GALR3: variants seen among roughly 807,000 people sequenced by gnomAD.
GALR3 encodes the protein galanin receptor 3.
In GALR3, 5 loss-of-function variants were observed where a neutral mutation model predicts 6.9. The observed-to-expected ratio is 0.72, with a 90% confidence interval of 0.38 to 1.52. The LOEUF (loss-of-function observed/expected upper bound fraction) is 1.52, where lower values mean the gene tolerates loss of function less well. Among genes scored for constraint, GALR3 ranks in the 40% most tolerant of loss-of-function variants. The pLI, the probability that GALR3 is intolerant of heterozygous loss-of-function variation, is 0.03. For synonymous variants in GALR3, 308 were observed against 263.6 expected (o/e 1.17, Z -1.63); for missense variants, 570 against 545.6 (o/e 1.04, Z -0.44).
chr22:37,824,702 C>G (rs1254820884), intron 1 of GALR3, 21 bp from the exon 2 acceptor site: 1 of 1,195,560 alleles, frequency 8.4e-7, no homozygotes, highest in East Asian at 3.5e-5. Context: ...GCCCGCCCCG[C>G]TGACCAGGCG....
intron 1 of GALR3, 43 bp from the exon 2 acceptor site, chr22:37,824,680 G>C (rs1018237041): frequency 8.6e-7 from 1 of 1,164,484 alleles, no homozygotes; most frequent in African/African-American, 1.6e-5. Flanking sequence ...GGGCCCCTGC[G>C]GGAGGGCACC....
Position 37,824,900 on chromosome 22 carries a change from G to T in GALR3, c.537G>T (p.Ala179=). ...TCTGCGTGCCCGCCTGGGAGGACGC[G>T]CGCCGCCGCGCCCTGGACGTGGCCA... ...LELCVPAWED[A]RRRALDVATF... Residue 179 remains alanine (A), a synonymous_variant, in exon 2 of 2, where the codon GCG becomes GCT. Transcript: ENST00000249041. 7.3e-7 allele frequency: 1 copy of T among 1,365,170 alleles called. No individual in the cohort carries two copies. Among genetic ancestry groups the T allele is most frequent in the Non-Finnish European group, 9.5e-7 (1 of 1,055,062 alleles). 84.6% of individuals were successfully genotyped at this position (1,365,170 alleles called of 1,614,324 possible).
Position 37,823,431 on chromosome 22 carries a change from C to A in GALR3, c.25C>A (p.Leu9Met), listed in dbSNP as rs993279084. MADAQNIS[L>M]DSPGSVGAVA... ...GATGGCTGATGCCCAGAACATTTCA[C>A]TGGACAGCCCAGGGAGTGTGGGGGC... Residue 9 changes from leucine (L) to methionine (M), a missense_variant, in exon 1 of 2, where the codon CTG (leucine) becomes ATG (methionine). Coordinates refer to ENST00000249041, the MANE Select transcript of GALR3 (RefSeq NM_003614.2). The A allele has an allele frequency of 1.9e-6, 3 of 1,595,678 alleles. No homozygotes were observed. The highest frequency in any genetic ancestry group is 1.7e-5 in the Admixed American group (1 of 58,604).
chr22:37,825,328 G>T lies in GALR3; in HGVS notation c.965G>T (p.Arg322Leu), dbSNP rs750409729. Reference sequence around the variant, plus strand: ...CACCGTGCCCGCCGCGCCTTGCGTCGCGTCCGCCCCGCGTCCTCGGGCCCA... The same window carrying T: ...CACCGTGCCCGCCGCGCCTTGCGTCTCGTCCGCCCCGCGTCCTCGGGCCCA... ...RRHRARRALR[R>L]VRPASSGPPG... is the part of the protein sequence containing the mutation. Residue 322 changes from arginine to leucine, a missense_variant, in exon 2 of 2, where the codon CGC (arginine) becomes CTC (leucine). Arg to Leu is a moderately radical substitution (Grantham distance 102). Transcript: ENST00000249041. 1.6e-6 allele frequency: 2 copies of T among 1,257,722 alleles called. No homozygotes were observed. Among genetic ancestry groups the T allele is most frequent in the African/African-American group, 3.1e-5 (2 of 64,130 alleles). The allele number at this position is 1,257,722 out of a possible 1,614,324, so 77.9% of individuals were successfully genotyped here.
At position 37,825,485 on chromosome 22, in the gene GALR3, A is replaced by G; in HGVS notation, c.*15A>G. 7.7e-7 allele frequency: 1 copy of G among 1,301,872 alleles called. No homozygotes were observed. The highest frequency in any genetic ancestry group is 9.8e-7 in the Non-Finnish European group (1 of 1,022,440). The allele number at this position is 1,301,872 out of a possible 1,614,324, so 80.6% of individuals were successfully genotyped here. On this transcript the variant is annotated 3_prime_UTR_variant, in exon 2 of 2. Coordinates refer to ENST00000249041, the MANE Select transcript of GALR3 (RefSeq NM_003614.2). ...GACCGGAATAAACCCTGCCGCCTGGACTCCGCCTGTGTCCGTCTGTCTCAC... is the reference window on the plus strand; with the variant it reads ...GACCGGAATAAACCCTGCCGCCTGGGCTCCGCCTGTGTCCGTCTGTCTCAC...
rs1922578902 is a variant in GALR3, at chr22:37,825,283, C to T, written c.920C>T (p.Pro307Leu). Residue 307 changes from proline to leucine, a missense_variant, in exon 2 of 2, where the codon CCG becomes CTG. Coordinates refer to ENST00000249041, the MANE Select transcript of GALR3 (RefSeq NM_003614.2). Reference protein sequence around the residue: ...HFRARFRRLWPCGRRRRHRAR... With the variant: ...HFRARFRRLWLCGRRRRHRAR... Reference sequence around the variant, plus strand: ...CGCGCGCGCTTCCGCCGCCTGTGGCCGTGCGGCCGCCGACGCCGCCACCGT... The same window carrying T: ...CGCGCGCGCTTCCGCCGCCTGTGGCTGTGCGGCCGCCGACGCCGCCACCGT... 3 of 1,297,324 alleles carry T rather than the reference C, an allele frequency of 2.3e-6. No homozygotes were observed. Among genetic ancestry groups the T allele is most frequent in the South Asian group, 2.3e-5 (1 of 43,676 alleles). The allele number at this position is 1,297,324 out of a possible 1,614,324, so 80.4% of individuals were successfully genotyped here.
intron 1 of GALR3, 32 bp downstream of exon 1, chr22:37,823,797 GCT>G: frequency 7.6e-7 from 1 of 1,318,442 alleles, no homozygotes. Flanking sequence ...GCTGGGCAGG[GCT>G]GTGGGGGCGG....
intron 1 of GALR3, among the ~76,000 whole-genome samples, chr22:37,824,474 G>A (rs1282749527): frequency 6.6e-6 from 1 of 152,108 alleles, no homozygotes; most frequent in Non-Finnish European, 1.5e-5. Context: ...GATGACCCTG[G>A]GCAAGTCACT....
rs200610758 is a variant in GALR3, at chr22:37,825,110, T to C, written c.747T>C (p.Gly249=). ...AVAALYALCW[G]PHHALILCFW... is the part of the protein sequence containing the mutation. Reference sequence around the variant, plus strand: ...CCGCGCTCTACGCGCTCTGCTGGGGTCCGCACCACGCGCTCATCCTGTGCT... The same window carrying C: ...CCGCGCTCTACGCGCTCTGCTGGGGCCCGCACCACGCGCTCATCCTGTGCT... The change falls in exon 2 of 2, where the codon GGT becomes GGC. Residue 249 remains glycine (G), a synonymous_variant. Transcript: ENST00000249041. 1.2e-5 allele frequency: 17 copies of C among 1,405,662 alleles called. No homozygotes were observed. The highest frequency in any genetic ancestry group is 2.1e-4 in the Middle Eastern group (1 of 4,750). The allele number at this position is 1,405,662 out of a possible 1,614,324, so 87.1% of individuals were successfully genotyped here.
Position 37,823,451 on chromosome 22 carries a change from G to A in GALR3, c.45G>A (p.Val15=). Reference sequence around the variant, plus strand: ...TTTCACTGGACAGCCCAGGGAGTGTGGGGGCCGTGGCAGTGCCTGTGGTCT... The same window carrying A: ...TTTCACTGGACAGCCCAGGGAGTGTAGGGGCCGTGGCAGTGCCTGTGGTCT... ...QNISLDSPGS[V]GAVAVPVVFA... is the part of the protein sequence containing the mutation. The change falls in exon 1 of 2, where the codon GTG becomes GTA. Residue 15 remains valine (V), a synonymous_variant. Coordinates refer to ENST00000249041, the MANE Select transcript of GALR3 (RefSeq NM_003614.2). 6.2e-7 allele frequency: 1 copy of A among 1,610,782 alleles called. No individual in the cohort carries two copies.
rs1292229943 is a variant in GALR3, at chr22:37,823,699, T to C, written c.293T>C (p.Val98Ala). The change falls in exon 1 of 2, where the codon GTG becomes GCG. Residue 98 changes from valine to alanine, a missense_variant. Val to Ala is a moderately conservative substitution (Grantham distance 64). Coordinates refer to ENST00000249041, the MANE Select transcript of GALR3 (RefSeq NM_003614.2). ...TTTGGGGCCCTCGTCTGCAAGGCCG[T>C]GCACCTGCTCATCTACCTCACCATG... is the stretch of plus-strand genomic sequence containing the variant. ...WLFGALVCKA[V>A]HLLIYLTMYA... 2 of 1,613,738 alleles carry C rather than the reference T, an allele frequency of 1.2e-6. No individual in the cohort carries two copies. Among genetic ancestry groups the C allele is most frequent in the East Asian group, 2.2e-5 (1 of 44,876 alleles).
Position 37,824,043 on chromosome 22 carries a change from A to G in GALR3, c.359+278A>G, listed in dbSNP as rs1405121530. On this transcript the variant is annotated intron_variant, in intron 1 of 1. Transcript: ENST00000249041. ...GGCAGCACAGGGTCTGGCACATAGT[A>G]AGTGCTCTGTAAGCGCGAAATGAAT... Among the ~76,000 whole-genome samples the G allele has an allele frequency of 2.6e-5, 4 of 152,128 alleles. No individual in the cohort carries two copies. In the East Asian group the frequency reaches 7.7e-4, roughly 29 times the overall value.
rs1365442820 is a variant in GALR3, at chr22:37,825,038, G to A, written c.675G>A (p.Ala225=). The A allele has an allele frequency of 1.7e-5, 20 of 1,147,918 alleles. No individual in the cohort carries two copies. The African/African-American group carries it at 3.3e-4, about 19-fold the overall frequency. 71.1% of individuals were successfully genotyped at this position (1,147,918 alleles called of 1,614,324 possible). Residue 225 remains alanine, a synonymous_variant, in exon 2 of 2, where the codon GCG becomes GCA. Transcript: ENST00000249041. ...VGPAGAAAAE[A]RRRATGRAGR... ...CCGCGGGCGCGGCGGCGGCCGAGGC[G>A]CGGCGGAGGGCGACGGGCCGCGCGG...
chr22:37,824,581 T>G (rs1922537606), intron 1 of GALR3, 142 bp from the exon 2 acceptor site: 1 of 343,744 alleles, frequency 2.9e-6, no homozygotes, highest in African/African-American at 2.2e-5. Flanking sequence ...CTAAGCACCT[T>G]GCGCGTTCAC....
Position 37,823,656 on chromosome 22 carries a change from A to T in GALR3, c.250A>T (p.Thr84Ser), listed in dbSNP as rs772408557. 24 of 1,613,818 alleles carry T rather than the reference A, an allele frequency of 1.5e-5. No individual in the cohort carries two copies. The highest frequency in any genetic ancestry group is 1.8e-5 in the Non-Finnish European group (21 of 1,179,916). ...CCVPFQATIY[T>S]LDAWLFGALV... Reference sequence around the variant, plus strand: ...CGTGCCCTTCCAGGCCACCATCTACACGCTGGATGCCTGGCTCTTTGGGGC... The same window carrying T: ...CGTGCCCTTCCAGGCCACCATCTACTCGCTGGATGCCTGGCTCTTTGGGGC... The change falls in exon 1 of 2, where the codon ACG becomes TCG. Residue 84 changes from threonine to serine, a missense_variant. Transcript: ENST00000249041.
rs201986123 is a variant in GALR3, at chr22:37,824,862, G to A, written c.499G>A (p.Gly167Ser). 168 of 1,411,890 alleles carry A rather than the reference G, an allele frequency of 1.2e-4. No individual in the cohort carries two copies. The highest frequency in any genetic ancestry group is 4.6e-4 in the Middle Eastern group (2 of 4,346). 87.5% of individuals were successfully genotyped at this position (1,411,890 alleles called of 1,614,324 possible). A position where few individuals can be genotyped will look rare whatever the true frequency, so the allele number is the denominator to read the frequency against. Residue 167 changes from glycine (G) to serine (S), a missense_variant, in exon 2 of 2, where the codon GGC (glycine) becomes AGC (serine). Physicochemically the swap from Gly to Ser is moderately conservative, Grantham distance 56. Coordinates refer to ENST00000249041, the MANE Select transcript of GALR3 (RefSeq NM_003614.2). ...CAGCTACTACGGCACCGTGCGCTAC[G>A]GCGCGCTGGAGCTCTGCGTGCCCGC... is the stretch of plus-strand genomic sequence containing the variant. ...YLSYYGTVRY[G>S]ALELCVPAWE... is the part of the protein sequence containing the mutation.
At position 37,824,924 on chromosome 22, in the gene GALR3, CACCTTCGCTGCCGGCT is replaced by C. The variant is rs1488899453; in HGVS notation, c.566_581del (p.Phe189CysfsTer7). On this transcript the variant is annotated frameshift_variant, in exon 2 of 2. Coordinates refer to ENST00000249041, the MANE Select transcript of GALR3 (RefSeq NM_003614.2). LOFTEE classifies it low-confidence loss of function (END_TRUNC). Reference sequence around the variant, plus strand: ...CGCGCCGCCGCGCCCTGGACGTGGCCACCTTCGCTGCCGGCTACCTGCTGCCCGTGGCTGTGGTGAG... The same window carrying C: ...CGCGCCGCCGCGCCCTGGACGTGGCCACCTGCTGCCCGTGGCTGTGGTGAG... 2.1e-5 allele frequency: 28 copies of C among 1,342,700 alleles called. No individual in the cohort carries two copies. Among genetic ancestry groups the C allele is most frequent in the Non-Finnish European group, 2.6e-5 (27 of 1,042,720 alleles). 83.2% of individuals were successfully genotyped at this position (1,342,700 alleles called of 1,614,324 possible).
At position 37,825,020 on chromosome 22, in the gene GALR3, C is replaced by CGCG. The variant is rs1318383873; in HGVS notation, c.666_668dup (p.Ala223dup). On this transcript the variant is annotated inframe_insertion, in exon 2 of 2. Transcript: ENST00000249041. ...TGTGGGCCGCCGTGGGTCCCGCGGG[C>CGCG]GCGGCGGCGGCCGAGGCGCGGCGGA... 14 of 1,162,642 alleles carry CGCG rather than the reference C, an allele frequency of 1.2e-5. No individual in the cohort carries two copies. Among genetic ancestry groups the CGCG allele is most frequent in the Non-Finnish European group, 1.5e-5 (14 of 943,976 alleles). 72.0% of individuals were successfully genotyped at this position (1,162,642 alleles called of 1,614,324 possible).
rs548317535 is a variant in GALR3, at chr22:37,824,847, G to C, written c.484G>C (p.Gly162Arg). 166 of 1,417,844 alleles carry C rather than the reference G, an allele frequency of 1.2e-4. 1 individual carries two copies. The African/African-American group carries it at 2.3e-3, about 20-fold the overall frequency. 87.8% of individuals were successfully genotyped at this position (1,417,844 alleles called of 1,614,324 possible). The stretch of plus-strand genomic sequence containing the variant: ...CTCGGCGCCCTACCTCAGCTACTAC[G>C]GCACCGTGCGCTACGGCGCGCTGGA... ...LFSAPYLSYY[G>R]TVRYGALELC... Residue 162 changes from glycine (G) to arginine (R), a missense_variant, in exon 2 of 2, where the codon GGC (glycine) becomes CGC (arginine). By Grantham distance (125) the Gly-to-Arg change is moderately radical. Transcript: ENST00000249041.
Sources: gnomAD v4.1 joint callset for allele counts (sites outside exome capture counted in the v4.1 genomes callset) on GRCh38, gnomAD v4.1.1 for gene constraint, MANE v1.5 for transcripts, NCBI Gene and HGNC (gene_info 2026-07-23, HGNC 2026-07-21) for gene names.